The following MYO16 variants were observed in gnomAD, a reference collection of about 807,000 sequenced individuals.
The protein encoded by MYO16 is myosin XVI.
A neutral mutation model predicts 205.3 loss-of-function variants in MYO16; 94 were observed. That is an observed-to-expected ratio of 0.46 (90% CI 0.39 to 0.54). MYO16 has a LOEUF of 0.54. Ranked by LOEUF, MYO16 falls within the 20% of genes least tolerant of loss-of-function variation. The probability of loss-of-function intolerance (pLI) is 0.00; values close to 1 mark genes in which losing one functional copy is unlikely to be tolerated. For synonymous variants in MYO16, 988 were observed against 954.0 expected (o/e 1.04, Z -0.66); for missense variants, 2,315 against 2,387.5 (o/e 0.97, Z 0.63).
upstream of MYO16, among the ~76,000 whole-genome samples, chr13:108,593,522 CG>C (rs1411604535): frequency 2.4e-4 from 37 of 152,216 alleles, no homozygotes; most frequent in African/African-American, 8.2e-4. Flanking sequence ...TGAAGCCCCA[CG>C]GACGAATTGT....
the MYO16 span, among the ~76,000 whole-genome samples, chr13:108,586,573 C>A: frequency 6.6e-6 from 1 of 152,260 alleles, no homozygotes; most frequent in Non-Finnish European, 1.5e-5. Context: ...AGGGCAGATG[C>A]AAAGTGGTCA....
intron 1 of MYO16, among the ~76,000 whole-genome samples, chr13:108,642,720 T>G (rs1880563494): frequency 6.6e-6 from 1 of 152,162 alleles, no homozygotes; most frequent in African/African-American, 2.4e-5. Context: ...GCCCGGCCTT[T>G]GGGTGTTTCT....
At chr13:109,179,687 C>G in intron 34 of MYO16, 54 bp downstream of exon 34, 1 of 1,406,040 alleles carries the variant, frequency 7.1e-7, no homozygotes. Context: ...TAAGTTATGA[C>G]AAGGCATTCA....
chr13:108,960,398 G>C (rs1883538365), intron 17 of MYO16, among the ~76,000 whole-genome samples: 1 of 151,948 alleles, frequency 6.6e-6, no homozygotes, highest in Non-Finnish European at 1.5e-5. Context: ...TGATTTAGGG[G>C]TTAACCAAAA....
chr13:109,016,077 C>T lies in MYO16; in HGVS notation c.2596-3634C>T, dbSNP rs113227256. Among the ~76,000 whole-genome samples the T allele has an allele frequency of 4.4e-3, 676 of 152,208 alleles. 5 individuals carry two copies. Among genetic ancestry groups the T allele is most frequent in the African/African-American group, 0.016 (647 of 41,526 alleles). On this transcript the variant is annotated intron_variant, in intron 22 of 34. Coordinates refer to ENST00000457511, the MANE Select transcript of MYO16 (RefSeq NM_001198950.3). ...GTTAGGATGTCGATTTTTGATCTTT[C>T]CTGCTTTCTCTTGTGGGCATTTATT...
intron 23 of MYO16, among the ~76,000 whole-genome samples, chr13:109,026,742 T>A (rs1334356528): frequency 6.6e-6 from 1 of 152,158 alleles, no homozygotes; most frequent in Admixed American, 6.6e-5. Context: ...TTCTTTGTCT[T>A]TCCAAATCTT....
intron 33 of MYO16, among the ~76,000 whole-genome samples, chr13:109,176,603 A>AAAAAAAAAAAAAAAAAAAAAAAACC (rs1210061351): frequency 7.0e-6 from 1 of 142,674 alleles, no homozygotes; most frequent in Non-Finnish European, 1.5e-5. Flanking sequence ...AAAAAAAAAG[A>AAAAAAAAAAAAAAAAAAAAAAAACC]CCTCCTTTGC....
the MYO16 span, among the ~76,000 whole-genome samples, chr13:108,584,515 A>G: frequency 7.1e-6 from 1 of 141,638 alleles, no homozygotes; most frequent in East Asian, 2.3e-4. Flanking sequence ...TGAAATATAC[A>G]ATTTTTTTAT....
intron 20 of MYO16, among the ~76,000 whole-genome samples, chr13:108,978,657 T>C (rs1263491195): frequency 3.9e-5 from 6 of 152,016 alleles, no homozygotes; most frequent in African/African-American, 1.4e-4. Flanking sequence ...GATGAGATTC[T>C]TTTGTTTTTG....
rs182552463 is a variant in MYO16, at chr13:108,743,820, G to A, written c.507+16237G>A. Reference sequence around the variant, plus strand: ...ACATATGGCTTACTTTACATGAAGCGGCTTACATTGATAGATCAAAATCCA... The same window carrying A: ...ACATATGGCTTACTTTACATGAAGCAGCTTACATTGATAGATCAAAATCCA... On this transcript the variant is annotated intron_variant, in intron 4 of 34. Coordinates refer to ENST00000457511, the MANE Select transcript of MYO16 (RefSeq NM_001198950.3). Among the ~76,000 whole-genome samples, 5 of 152,260 alleles carry A rather than the reference G, an allele frequency of 3.3e-5. No individual in the cohort carries two copies. In the East Asian group the frequency reaches 5.8e-4, roughly 18 times the overall value.
chr13:108,612,906 T>C (rs1394142636), intron 1 of MYO16, among the ~76,000 whole-genome samples: 1 of 152,120 alleles, frequency 6.6e-6, no homozygotes, highest in Non-Finnish European at 1.5e-5. Context: ...AGTATGCAAC[T>C]CGGGGAGATG....
At chr13:108,850,538 T>A (rs1877802216) in intron 10 of MYO16, among the ~76,000 whole-genome samples, 1 of 152,224 alleles carries the variant, frequency 6.6e-6, no homozygotes, top group Admixed American at 6.5e-5. Context: ...GGCAATCTTT[T>A]GTACTTATCT....
chr13:108,793,134 A>T (rs978717266), intron 5 of MYO16, among the ~76,000 whole-genome samples: 49 of 152,162 alleles, frequency 3.2e-4, no homozygotes, highest in African/African-American at 1.2e-3. Context: ...ATACAAAAAA[A>T]AATTAGCCGG....
the MYO16 span, among the ~76,000 whole-genome samples, chr13:108,538,307 A>C: frequency 2.7e-3 from 407 of 152,276 alleles, 3 homozygotes; most frequent in African/African-American, 9.0e-3. Context: ...TAGGAGAAGT[A>C]ATCAGAGACT....
the MYO16 span, among the ~76,000 whole-genome samples, chr13:108,564,334 C>A: frequency 2.6e-5 from 4 of 151,998 alleles, no homozygotes; most frequent in South Asian, 8.3e-4. Flanking sequence ...CCATACCTGG[C>A]TAATTTTTGT....
chr13:108,745,347 G>A (rs1191008520), intron 4 of MYO16, among the ~76,000 whole-genome samples: 1 of 152,102 alleles, frequency 6.6e-6, no homozygotes, highest in Non-Finnish European at 1.5e-5. Flanking sequence ...TTTACCTCTA[G>A]GTAAAACGAT....
intron 5 of MYO16, among the ~76,000 whole-genome samples, chr13:108,785,994 C>T (rs1243638189): frequency 1.3e-5 from 2 of 152,218 alleles, no homozygotes; most frequent in African/African-American, 4.8e-5. Context: ...TAACAGGCAT[C>T]TAAAGTCCAT....
chr13:109,068,791 A>G (rs1435919407), intron 27 of MYO16, among the ~76,000 whole-genome samples: 2 of 152,122 alleles, frequency 1.3e-5, no homozygotes, highest in Non-Finnish European at 2.9e-5. Context: ...GGGTTTCACC[A>G]TGTTGGTCAG....
At chr13:108,681,012 C>T (rs1320831910) in intron 2 of MYO16, among the ~76,000 whole-genome samples, 1 of 152,182 alleles carries the variant, frequency 6.6e-6, no homozygotes, top group Non-Finnish European at 1.5e-5. Flanking sequence ...GGGATCATAT[C>T]CAAATTTTAT....
Sources: allele counts gnomAD v4.1 joint callset (sites outside exome capture counted in the v4.1 genomes callset), GRCh38; gene constraint gnomAD v4.1.1; transcripts MANE v1.5; gene names NCBI Gene and HGNC (gene_info 2026-07-23, HGNC 2026-07-21).